Variants in FAM151B observed in about 807,000 individuals in gnomAD.
FAM151B encodes protein FAM151B.
FAM151B carries 24 observed loss-of-function variants against 31.2 expected under a neutral mutation model. The observed-to-expected ratio is 0.77, with a 90% CI of 0.56 to 1.08. FAM151B has a LOEUF of 1.08. Ranked by LOEUF, FAM151B falls within the 50% of genes least tolerant of loss-of-function variation. The pLI is 0.00. For missense variants in FAM151B, 293 were observed against 328.6 expected (o/e 0.89, Z 0.84); for synonymous variants, 105 against 111.4 (o/e 0.94, Z 0.36).
At chr5:80,538,960 C>A (rs1006477810) in intron 5 of FAM151B, among the ~76,000 whole-genome samples, 12 of 143,610 alleles carry the variant, frequency 8.4e-5, no homozygotes, top group South Asian at 6.8e-4. Flanking sequence ...TGGTTCTGTT[C>A]TTTTCTTTGC....
At chr5:80,498,751 T>A (rs1580413395) in intron 1 of FAM151B, 3 of 560,566 alleles carry the variant, frequency 5.4e-6, no homozygotes, top group South Asian at 4.4e-5. Flanking sequence ...TAAGACTTCT[T>A]CCTTTTCTTA....
At chr5:80,494,476 C>CTT (rs750025229) in intron 1 of FAM151B, among the ~76,000 whole-genome samples, 1 of 126,648 alleles carries the variant, frequency 7.9e-6, no homozygotes, top group Non-Finnish European at 1.7e-5. Context: ...TTCTTTCTTT[C>CTT]TTTCTTTCTT....
intron 2 of FAM151B, among the ~76,000 whole-genome samples, chr5:80,505,749 A>ATTTTTTTTTTTTTTTTTTTTTTTTTTTT (rs386404255): frequency 1.3e-5 from 1 of 77,882 alleles, no homozygotes; most frequent in African/African-American, 5.8e-5. Flanking sequence ...TCCTATAAGA[A>ATTTTTTTTTTTTTTTTTTTTTTTTTTTT]TTTTTTTTTT....
chr5:80,531,359 T>C (rs138053155), intron 5 of FAM151B, among the ~76,000 whole-genome samples: 14,601 of 152,158 alleles, frequency 0.096, 978 homozygotes, highest in African/African-American at 0.18. Context: ...CCAAAAGCAA[T>C]GGCAACAAAA....
At chr5:80,495,744 G>A (rs1398965049) in intron 1 of FAM151B, among the ~76,000 whole-genome samples, 2 of 146,364 alleles carry the variant, frequency 1.4e-5, no homozygotes, top group East Asian at 2.1e-4. Context: ...GCAGGAGAAT[G>A]GCATGAACCC....
chr5:80,514,476 A>AAATAATAATAATAATAAT (rs139355800), intron 3 of FAM151B, among the ~76,000 whole-genome samples: 4 of 139,356 alleles, frequency 2.9e-5, no homozygotes, highest in South Asian at 4.6e-4. Context: ...ACTCCCTCTC[A>AAATAATAATAATAATAAT]AATAATAATA....
In FAM151B at chr5:80,501,780, C is replaced by T. The variant is rs1287625626; in HGVS notation, c.26-12C>T. 6.3e-7 allele frequency: 1 copy of T among 1,577,020 alleles called. No homozygotes were observed. The highest frequency in any genetic ancestry group is 2.3e-5 in the East Asian group (1 of 43,902). ...AACAATATCACTTTTCATGTAAACACTGTTATTTTAGGATCTTGGAGTGAA... is the reference window on the plus strand; with the variant it reads ...AACAATATCACTTTTCATGTAAACATTGTTATTTTAGGATCTTGGAGTGAA... On this transcript the variant is annotated splice_polypyrimidine_tract_variant and intron_variant, in intron 1 of 5. Transcript: ENST00000282226.
chr5:80,500,124 T>G, intron 1 of FAM151B: 1 of 339,750 alleles, frequency 2.9e-6, no homozygotes, highest in Non-Finnish European at 5.4e-6. Context: ...CGGAGGACAT[T>G]ATGCTAAGTG....
intron 2 of FAM151B, among the ~76,000 whole-genome samples, chr5:80,512,991 C>T (rs765985364): frequency 8.6e-5 from 13 of 151,990 alleles, no homozygotes; most frequent in Non-Finnish European, 1.8e-4. Context: ...CAAGACCTGC[C>T]CAGCTGAAGA....
intron 1 of FAM151B, among the ~76,000 whole-genome samples, chr5:80,498,096 T>C (rs1743615618): frequency 6.6e-6 from 1 of 152,252 alleles, no homozygotes; most frequent in South Asian, 2.1e-4. Flanking sequence ...TCACATATTC[T>C]ATCATGCATA....
intron 5 of FAM151B, among the ~76,000 whole-genome samples, chr5:80,531,173 T>C (rs2112663471): frequency 6.6e-6 from 1 of 152,306 alleles, no homozygotes; most frequent in Non-Finnish European, 1.5e-5. Flanking sequence ...CTGGGAAAAC[T>C]GGCTAGCCAT....
rs956993409 is a variant in FAM151B at position 80,500,508 on chromosome 5, A to T, written c.26-1284A>T. 6 of 763,738 alleles carry T rather than the reference A, an allele frequency of 7.9e-6. No individual in the cohort carries two copies. The Admixed American group carries it at 8.6e-5, about 11-fold the overall frequency. 47.3% of individuals were successfully genotyped at this position (763,738 alleles called of 1,614,324 possible). On this transcript the variant is annotated intron_variant, in intron 1 of 5. Transcript: ENST00000282226. ...GAAAAAGCAAAACACTGTCACAAGG[A>T]ATATAGGCAGATATACAGAACTGAA...
chr5:80,495,307 T>C (rs528600406), intron 1 of FAM151B: 1 of 152,344 alleles, frequency 6.6e-6, no homozygotes, highest in African/African-American at 2.4e-5. Context: ...ACAAGTCTTA[T>C]TATTTGAGAA....
intron 5 of FAM151B, among the ~76,000 whole-genome samples, chr5:80,538,462 C>CTCTTTCTTTG (rs1554059075): frequency 9.2e-6 from 1 of 108,960 alleles, no homozygotes; most frequent in African/African-American, 3.7e-5. Flanking sequence ...TTCTTTCTTT[C>CTCTTTCTTTG]TTTCTTTCTT....
At chr5:80,512,780 TAA>T (rs149239966) in intron 2 of FAM151B, among the ~76,000 whole-genome samples, 6 of 132,896 alleles carry the variant, frequency 4.5e-5, no homozygotes, top group Non-Finnish European at 6.5e-5. Flanking sequence ...ACCCTGTTTC[TAA>T]AAAAAAAAAA....
chr5:80,513,274 C>G (rs938747136), intron 2 of FAM151B, among the ~76,000 whole-genome samples: 2 of 152,028 alleles, frequency 1.3e-5, no homozygotes, highest in Non-Finnish European at 2.9e-5. Flanking sequence ...ATTTTTATTC[C>G]CAGAAAGCTT....
intron 3 of FAM151B, 61 bp downstream of exon 3, chr5:80,513,830 A>ATT: frequency 1.4e-6 from 2 of 1,418,994 alleles, no homozygotes; most frequent in Non-Finnish European, 1.9e-6. Context: ...CTGACTACCT[A>ATT]TTTTTTTTAA....
intron 1 of FAM151B, chr5:80,501,396 G>C: frequency 5.2e-6 from 4 of 772,140 alleles, no homozygotes; most frequent in Non-Finnish European, 5.9e-6. Context: ...CTAGAAGAAT[G>C]AAATAAGATG....
chr5:80,531,877 T>C (rs368556643), intron 5 of FAM151B, among the ~76,000 whole-genome samples: 2 of 152,288 alleles, frequency 1.3e-5, no homozygotes, highest in South Asian at 2.1e-4. Context: ...TCCAGCCATC[T>C]CATTACTGGG....
Sources: gnomAD v4.1 joint callset for allele counts (sites outside exome capture counted in the v4.1 genomes callset) on GRCh38, gnomAD v4.1.1 for gene constraint, MANE v1.5 for transcripts, NCBI Gene and HGNC (gene_info 2026-07-23, HGNC 2026-07-21) for gene names.